Variants in UQCRFS1 observed in about 807,000 individuals in gnomAD.
The protein encoded by UQCRFS1 is cytochrome b-c1 complex subunit Rieske, mitochondrial.
Under a neutral mutation model 15.6 loss-of-function variants are expected in UQCRFS1, and 6 were observed. The observed-to-expected ratio is 0.38, with a 90% CI of 0.21 to 0.76. The LOEUF is 0.76. UQCRFS1 is among the 30% of genes least tolerant of loss of function. UQCRFS1 has a pLI of 0.44. For synonymous variants in UQCRFS1, 105 were observed against 154.3 expected, an observed-to-expected ratio of 0.68 and a Z score of 2.37; for missense variants, 203 against 366.7, an observed-to-expected ratio of 0.55 and a Z score of 3.65.
Position 29,205,724 on chromosome 19 carries a change from G to T in UQCRFS1, c.*1824C>A, listed in dbSNP as rs1214128899. The T allele has an allele frequency of 6.6e-6, 1 of 152,060 alleles. No homozygotes were observed. Among genetic ancestry groups the T allele is most frequent in the Non-Finnish European group, 1.5e-5 (1 of 68,022 alleles). The allele number at this position is 152,060 out of a possible 1,614,324, so 9.4% of individuals were successfully genotyped here. ...ATCTAGGATTTTGTTTTCACAGAAT[G>T]GTAAAAATGTTAACACAGGTCTGCC... On this transcript the variant is annotated 3_prime_UTR_variant, in exon 2 of 2. Coordinates refer to ENST00000304863, the MANE Select transcript of UQCRFS1 (RefSeq NM_006003.3).
In UQCRFS1 at chr19:29,208,054, T is replaced by C; in HGVS notation, c.319A>G (p.Ser107Gly). ...TAGGAGAAACCTTTCCTAGCCTCGCTGCTTTCTCTTGAAGACTTCGTACTA... is the reference window on the plus strand; with the variant it reads ...TAGGAGAAACCTTTCCTAGCCTCGCCGCTTTCTCTTGAAGACTTCGTACTA... ...LDSTKSSRES[S>G]EARKGFSYLV... is the part of the protein sequence containing the mutation. The change falls in exon 2 of 2, where the codon AGC becomes GGC. Residue 107 changes from serine to glycine, a missense_variant. Transcript: ENST00000304863. The C allele has an allele frequency of 1.2e-6, 2 of 1,614,088 alleles. No homozygotes were observed. Among genetic ancestry groups the C allele is most frequent in the Non-Finnish European group, 1.7e-6 (2 of 1,179,912 alleles).
chr19:29,211,720 A>T (rs1483529560), intron 1 of UQCRFS1, among the ~76,000 whole-genome samples: 1 of 152,222 alleles, frequency 6.6e-6, no homozygotes, highest in Non-Finnish European at 1.5e-5. Flanking sequence ...TAAGGAAAAC[A>T]TATGGACATG....
Position 29,205,470 on chromosome 19 carries a change from T to G in UQCRFS1, c.*2078A>C, listed in dbSNP as rs1282439367. 4.6e-5 allele frequency: 7 copies of G among 152,194 alleles called. No individual in the cohort carries two copies. Among genetic ancestry groups the G allele is most frequent in the Admixed American group, 6.5e-5 (1 of 15,272 alleles). The allele number at this position is 152,194 out of a possible 1,614,324, so 9.4% of individuals were successfully genotyped here. ...TCTATACACTCAGATTGAGTCAAAGTTTTTACAAAGGTATGCTCAGAAAGA... is the reference window on the plus strand; with the variant it reads ...TCTATACACTCAGATTGAGTCAAAGGTTTTACAAAGGTATGCTCAGAAAGA... On this transcript the variant is annotated 3_prime_UTR_variant, in exon 2 of 2. Transcript: ENST00000304863.
intron 1 of UQCRFS1, among the ~76,000 whole-genome samples, chr19:29,211,802 G>C (rs1310573487): frequency 6.6e-6 from 1 of 152,218 alleles, no homozygotes; most frequent in Non-Finnish European, 1.5e-5. Context: ...AAAAAGAAAA[G>C]TGGCGGGCAA....
At chr19:29,212,813 G>T in intron 1 of UQCRFS1, 92 bp downstream of exon 1, 1 of 1,284,484 alleles carries the variant, frequency 7.8e-7, no homozygotes, top group Non-Finnish European at 9.9e-7. Context: ...TTCAGGCTCC[G>T]CTCGCGCGCC....
rs1283541671 is a variant in UQCRFS1, at chr19:29,212,958, G to C, written c.161C>G (p.Ser54Trp). The change falls in exon 1 of 2, where the codon TCG becomes TGG. Residue 54 changes from serine (S) to tryptophan (W), a missense_variant. Ser to Trp is a radical substitution (Grantham distance 177, BLOSUM62 -3). Around this residue, in one of 3 missense-constraint regions of UQCRFS1, gnomAD observed 92 missense variants for 120.5 expected, o/e 0.76. Coordinates refer to ENST00000304863, the MANE Select transcript of UQCRFS1 (RefSeq NM_006003.3). Reference protein sequence around the residue: ...DLKRPFLSRESLSGQAVRRPL... With the variant: ...DLKRPFLSREWLSGQAVRRPL... ...CCGGCGCACGGCCTGGCCGCTCAGC[G>C]ACTCCCGGCTGAGGAAGGGCCGCTT... 1.4e-6 allele frequency: 2 copies of C among 1,401,996 alleles called. No homozygotes were observed. Among genetic ancestry groups the C allele is most frequent in the East Asian group, 6.0e-5 (2 of 33,222 alleles). 86.8% of individuals were successfully genotyped at this position (1,401,996 alleles called of 1,614,324 possible).
chr19:29,208,337 A>G (rs377022863), intron 1 of UQCRFS1, among the ~76,000 whole-genome samples, 179 bp from the exon 2 acceptor site: 2 of 152,234 alleles, frequency 1.3e-5, no homozygotes, highest in Non-Finnish European at 2.9e-5. Flanking sequence ...ATAAAATCTT[A>G]AAAATGAAAT....
In UQCRFS1 at chr19:29,213,102, G is replaced by GCTGCT. The variant is rs1976679371; in HGVS notation, c.16_17insAGCAG (p.Ser6Ter). ...GACGGGCGCGAACGGGCCTGAGCGG[G>GCTGCT]ATGCTACCGACAACATGGCGACAGC... On this transcript the variant is annotated stop_gained and frameshift_variant, in exon 1 of 2. Transcript: ENST00000304863. LOFTEE classifies it high-confidence loss of function. 6.6e-7 allele frequency: 1 copy of GCTGCT among 1,515,908 alleles called. No individual in the cohort carries two copies. The highest frequency in any genetic ancestry group is 1.4e-5 in the African/African-American group (1 of 69,970). The allele number at this position is 1,515,908 out of a possible 1,614,324, so 93.9% of individuals were successfully genotyped here.
chr19:29,212,645 TCA>T (rs1976669120), intron 1 of UQCRFS1, among the ~76,000 whole-genome samples: 1 of 151,940 alleles, frequency 6.6e-6, no homozygotes, highest in African/African-American at 2.4e-5. Flanking sequence ...ACAAAACCCC[TCA>T]GAGGTGGCTG....
rs1568344761 is a variant in UQCRFS1 at position 29,208,175 on chromosome 19, A to T, written c.215-17T>A. 1 of 1,592,282 alleles carries T rather than the reference A, an allele frequency of 6.3e-7. No individual in the cohort carries two copies. Among genetic ancestry groups the T allele is most frequent in the Non-Finnish European group, 8.5e-7 (1 of 1,171,916 alleles). The stretch of plus-strand genomic sequence containing the variant: ...AAGCAGGGACTGCAAGACAAACAGA[A>T]GGTTAAAAAACACAATTAGATGAGT... On this transcript the variant is annotated splice_polypyrimidine_tract_variant and intron_variant, in intron 1 of 1. Transcript: ENST00000304863.
intron 1 of UQCRFS1, among the ~76,000 whole-genome samples, chr19:29,208,756 T>C (rs371576751): frequency 2.0e-5 from 3 of 152,182 alleles, no homozygotes; most frequent in Non-Finnish European, 2.9e-5. Context: ...GCAGAAAAAT[T>C]AGCGTTTCTA....
chr19:29,209,065 T>C (rs1395248880), intron 1 of UQCRFS1, among the ~76,000 whole-genome samples: 1 of 152,146 alleles, frequency 6.6e-6, no homozygotes, highest in African/African-American at 2.4e-5. Context: ...AAATAATTAC[T>C]ATGTAGTACT....
intron 1 of UQCRFS1, 34 bp from the exon 2 acceptor site, chr19:29,208,192 T>C: frequency 6.4e-7 from 1 of 1,573,038 alleles, no homozygotes; most frequent in Non-Finnish European, 8.6e-7. Context: ...AAAACACAAT[T>C]AGATGAGTAT....
intron 1 of UQCRFS1, among the ~76,000 whole-genome samples, 158 bp from the exon 2 acceptor site, chr19:29,208,316 G>A (rs552807148): frequency 1.3e-5 from 2 of 152,252 alleles, no homozygotes; most frequent in East Asian, 1.9e-4. Flanking sequence ...TCAAATTGGC[G>A]GTGCTAGCAT....
At chr19:29,212,880 G>A in intron 1 of UQCRFS1, 25 bp downstream of exon 1, 1 of 1,422,852 alleles carries the variant, frequency 7.0e-7, no homozygotes, top group Non-Finnish European at 9.1e-7. Context: ...CCCCAGCCCT[G>A]CTCGCGGCCC....
intron 1 of UQCRFS1, among the ~76,000 whole-genome samples, chr19:29,212,330 C>A (rs1281600648): frequency 6.6e-6 from 1 of 151,286 alleles, no homozygotes; most frequent in African/African-American, 2.4e-5. Context: ...CCGTCCTTGA[C>A]GACTGATTAT....
In UQCRFS1 at chr19:29,208,088, T is replaced by C. The variant is rs771053336; in HGVS notation, c.285A>G (p.Glu95=). 6.2e-7 allele frequency: 1 copy of C among 1,614,090 alleles called. No individual in the cohort carries two copies. Among genetic ancestry groups the C allele is most frequent in the South Asian group, 1.1e-5 (1 of 91,078 alleles). ...VPDFSEYRRL[E]VLDSTKSSRE... ...TTGAAGACTTCGTACTATCTAAAAC[T>C]TCAAGGCGGCGGTATTCAGAGAAGT... Residue 95 remains glutamate (E), a synonymous_variant, in exon 2 of 2, where the codon GAA becomes GAG. Transcript: ENST00000304863.
At chr19:29,208,877 T>C (rs567516031) in intron 1 of UQCRFS1, among the ~76,000 whole-genome samples, 1 of 152,248 alleles carries the variant, frequency 6.6e-6, no homozygotes, top group African/African-American at 2.4e-5. Flanking sequence ...GCAAAAGAAC[T>C]AATTATTTCA....
At chr19:29,210,797 G>A (rs1413198914) in intron 1 of UQCRFS1, among the ~76,000 whole-genome samples, 1 of 152,060 alleles carries the variant, frequency 6.6e-6, no homozygotes, top group Non-Finnish European at 1.5e-5. Context: ...CTTTGCTATT[G>A]TGAATAGTGC....
Sources: gnomAD v4.1 joint callset for allele counts (sites outside exome capture counted in the v4.1 genomes callset) on GRCh38, gnomAD v4.1.1 for gene constraint, gnomAD v4.1.1 regional missense constraint, MANE v1.5 for transcripts, NCBI Gene and HGNC (gene_info 2026-07-23, HGNC 2026-07-21) for gene names.